The following TRRAP variants were observed in gnomAD, a reference collection of about 807,000 sequenced individuals.
The protein encoded by TRRAP is transformation/transcription domain associated protein.
Under a neutral mutation model 438.8 loss-of-function variants are expected in TRRAP, and 41 were observed. The observed-to-expected ratio is 0.09, with a 90% confidence interval of 0.07 to 0.12. The LOEUF (loss-of-function observed/expected upper bound fraction) is 0.12, where lower values mean the gene tolerates loss of function less well. Among genes scored for constraint, TRRAP ranks in the 10% least tolerant of loss-of-function variants. The pLI is 1.00. For synonymous variants in TRRAP, 1,994 were observed against 1,962.9 expected, an observed-to-expected ratio of 1.02 and a Z score of -0.42; for missense variants, 3,122 against 5,055.1, an observed-to-expected ratio of 0.62 and a Z score of 11.60.
intron 53 of TRRAP, among the ~76,000 whole-genome samples, chr7:98,974,261 C>T (rs142292139): frequency 4.6e-5 from 7 of 152,270 alleles, no homozygotes; most frequent in Admixed American, 4.6e-4. Flanking sequence ...GATGGGGTTA[C>T]AAATCATTGT....
rs201556260 is a variant in TRRAP, at chr7:98,906,270, C to T, written c.1115+15C>T. ...GAGACTCTAAGGTATGAGATTAAACCAGTGATATCTGGTTGGTTAAATGCC... is the reference window on the plus strand; with the variant it reads ...GAGACTCTAAGGTATGAGATTAAACTAGTGATATCTGGTTGGTTAAATGCC... On this transcript the variant is annotated intron_variant, in intron 13 of 72. Coordinates refer to ENST00000456197, the MANE Select transcript of TRRAP (RefSeq NM_001375524.1). 6.1e-5 allele frequency: 98 copies of T among 1,609,876 alleles called. No homozygotes were observed. Among genetic ancestry groups the T allele is most frequent in the Non-Finnish European group, 7.7e-5 (91 of 1,177,008 alleles).
At chr7:98,889,667 C>T (rs1795877925) in intron 3 of TRRAP, among the ~76,000 whole-genome samples, 1 of 151,924 alleles carries the variant, frequency 6.6e-6, no homozygotes, top group South Asian at 2.1e-4. Context: ...TTTACTTCAG[C>T]CCTCTGAGTA....
chr7:98,907,301 C>T (rs768698401), intron 13 of TRRAP, among the ~76,000 whole-genome samples: 7 of 150,404 alleles, frequency 4.7e-5, no homozygotes, highest in African/African-American at 7.4e-5. Context: ...CCAGCCTGGG[C>T]AATAAGAGTG....
chr7:98,927,230 A>T lies in TRRAP; in HGVS notation c.3039A>T (p.Pro1013=). The change falls in exon 23 of 73, where the codon CCA becomes CCT. Residue 1013 remains proline, a synonymous_variant. Transcript: ENST00000456197. The part of the protein sequence containing the change: ...ISHRYKAQDT[P]ARKTFEQALT... ...ATCGCTACAAAGCCCAGGACACTCC[A>T]GCCCGGAAGACTTTTGAGCAGGCCC... The T allele has an allele frequency of 6.2e-7, 1 of 1,614,226 alleles. No homozygotes were observed. Among genetic ancestry groups the T allele is most frequent in the Non-Finnish European group, 8.5e-7 (1 of 1,180,046 alleles).
At chr7:98,895,356 G>A (rs1412945348) in intron 6 of TRRAP, among the ~76,000 whole-genome samples, 1 of 152,174 alleles carries the variant, frequency 6.6e-6, no homozygotes, top group Non-Finnish European at 1.5e-5. Flanking sequence ...CTTTGTAGGA[G>A]AATTACCGAG....
At chr7:98,937,365 C>A (rs1230538779) in intron 29 of TRRAP, 88 bp downstream of exon 29, 2 of 1,497,570 alleles carry the variant, frequency 1.3e-6, no homozygotes, top group African/African-American at 1.4e-5. Context: ...CTGTTTATTG[C>A]TATATAAACA....
chr7:98,983,539 G>T (rs1219686006), intron 60 of TRRAP, 80 bp downstream of exon 60: 46 of 1,477,568 alleles, frequency 3.1e-5, no homozygotes, highest in Non-Finnish European at 4.2e-5. Flanking sequence ...TCTGTGTTTT[G>T]GTTTGGTTTG....
Position 98,948,316 on chromosome 7 carries a change from A to G in TRRAP, c.4644A>G (p.Lys1548=). The change falls in exon 34 of 73, where the codon AAA becomes AAG. Residue 1548 remains lysine (K), a synonymous_variant. Transcript: ENST00000456197. The surrounding 1 kb of genome is among the most constrained non-coding windows in gnomAD (Gnocchi z 4.9). ...LVKPLLEVVM[K]TERAMLIEAG... The stretch of plus-strand genomic sequence containing the variant: ...AGCCTTTGCTAGAGGTTGTCATGAA[A>G]ACGGAGCGGGCGATGCTGATCGAGG... 1.2e-6 allele frequency: 2 copies of G among 1,614,148 alleles called. No individual in the cohort carries two copies. Among genetic ancestry groups the G allele is most frequent in the Non-Finnish European group, 1.7e-6 (2 of 1,180,026 alleles).
intron 67 of TRRAP, among the ~76,000 whole-genome samples, chr7:98,996,090 T>A (rs1401208841): frequency 6.9e-6 from 1 of 145,432 alleles, no homozygotes; most frequent in Non-Finnish European, 1.5e-5. Context: ...CTCATCCTCA[T>A]GTCCCATCTA....
At chr7:98,882,591 G>A (rs1418564290) in intron 3 of TRRAP, among the ~76,000 whole-genome samples, 1 of 143,198 alleles carries the variant, frequency 7.0e-6, no homozygotes, top group Non-Finnish European at 1.5e-5. Context: ...TTGAACTCCT[G>A]ACCTCAGGTG....
Position 98,948,707 on chromosome 7 carries a change from A to G in TRRAP, c.4788+22A>G. 1 of 1,614,102 alleles carries G rather than the reference A, an allele frequency of 6.2e-7. No homozygotes were observed. Among genetic ancestry groups the G allele is most frequent in the Non-Finnish European group, 8.5e-7 (1 of 1,180,038 alleles). ...TATGGTAAGAGCTGTGAGCAGCTGG[A>G]GTCAGGGGTCCCTTCAAATGCTTGT... On this transcript the variant is annotated intron_variant, in intron 35 of 72. Coordinates refer to ENST00000456197, the MANE Select transcript of TRRAP (RefSeq NM_001375524.1). The surrounding 1 kb of genome is among the most constrained non-coding windows in gnomAD (Gnocchi z 4.9).
At chr7:98,917,740 G>T in intron 20 of TRRAP, 61 bp downstream of exon 20, 18 of 1,577,532 alleles carry the variant, frequency 1.1e-5, no homozygotes, top group Non-Finnish European at 1.6e-5. Flanking sequence ...CCGTCATTGG[G>T]TTCTCTGTAC....
At chr7:98,890,132 G>A (rs1305099193) in intron 3 of TRRAP, among the ~76,000 whole-genome samples, 1 of 152,164 alleles carries the variant, frequency 6.6e-6, no homozygotes, top group East Asian at 1.9e-4. Flanking sequence ...AATAGGAAAA[G>A]TTAGCATTTA....
rs372160180 is a variant in TRRAP at position 98,911,154 on chromosome 7, G to A, written c.1890G>A (p.Glu630=). 1.2e-6 allele frequency: 2 copies of A among 1,613,960 alleles called. No individual in the cohort carries two copies. Among genetic ancestry groups the A allele is most frequent in the African/African-American group, 2.7e-5 (2 of 74,894 alleles). The change falls in exon 17 of 73, where the codon GAG becomes GAA. Residue 630 remains glutamate (E), a synonymous_variant. Coordinates refer to ENST00000456197, the MANE Select transcript of TRRAP (RefSeq NM_001375524.1). The part of the protein sequence containing the change: ...CQTVRMKEEK[E]VLEHFAGVFT... ...CTGTGAGAATGAAAGAGGAGAAGGA[G>A]GTATTGGAGCATTTCGCTGGTGTGT... is the stretch of plus-strand genomic sequence containing the variant.
chr7:99,011,481 G>A lies in TRRAP; in HGVS notation c.11283G>A (p.Pro3761=), dbSNP rs140449855. The change falls in exon 72 of 73, where the codon CCG becomes CCA. Residue 3761 remains proline, a synonymous_variant. Coordinates refer to ENST00000456197, the MANE Select transcript of TRRAP (RefSeq NM_001375524.1). The surrounding 1 kb of genome is among the most constrained non-coding windows in gnomAD (Gnocchi z 7.1). ...TGACCACCATCGGGGTCTCCGGCCC[G>A]TTGACAGCGTCCATGATTGCGGTCG... ...EFLTTIGVSG[P]LTASMIAVAR... The A allele has an allele frequency of 8.1e-5, 130 of 1,614,130 alleles. No homozygotes were observed. Among genetic ancestry groups the A allele is most frequent in the Non-Finnish European group, 9.7e-5 (115 of 1,180,052 alleles).
intron 67 of TRRAP, among the ~76,000 whole-genome samples, chr7:99,000,928 C>G (rs1793892254): frequency 6.6e-6 from 1 of 152,220 alleles, no homozygotes; most frequent in Non-Finnish European, 1.5e-5. Context: ...CTGCAGTGCC[C>G]AACTTAGCGC....
chr7:98,878,991 T>C (rs1359725419), intron 1 of TRRAP, among the ~76,000 whole-genome samples: 1 of 151,898 alleles, frequency 6.6e-6, no homozygotes. Context: ...GTTGGGGGCC[T>C]GTCCCTCCGG....
In TRRAP at chr7:98,886,343, T is replaced by C. The variant is rs569095645; in HGVS notation, c.151-3992T>C. ...ATAGATAGAGATAGATATAGATAGA[T>C]ATAGATATCTATATAGATAGAGATA... On this transcript the variant is annotated intron_variant, in intron 3 of 72. Transcript: ENST00000456197. 5.2e-4 allele frequency among the ~76,000 whole-genome samples: 79 copies of C among 152,032 alleles called. 1 individual carries two copies. Among genetic ancestry groups the C allele is most frequent in the African/African-American group, 1.8e-3 (75 of 41,376 alleles).
chr7:98,948,393 A>T lies in TRRAP; in HGVS notation c.4668+53A>T. The T allele has an allele frequency of 6.2e-7, 1 of 1,613,020 alleles. No individual in the cohort carries two copies. The highest frequency in any genetic ancestry group is 1.1e-5 in the South Asian group (1 of 91,050). On this transcript the variant is annotated intron_variant, in intron 34 of 72. Coordinates refer to ENST00000456197, the MANE Select transcript of TRRAP (RefSeq NM_001375524.1). This position sits in a 1 kb window ranked among gnomAD's most constrained non-coding sequence, Gnocchi z 4.9. ...CGCTCTGCCACCCTCCGGTGCTTAT[A>T]GCGTCCTCACTTGATCGTATTTTCA...
Sources: allele counts gnomAD v4.1 joint callset (sites outside exome capture counted in the v4.1 genomes callset), GRCh38; gene constraint gnomAD v4.1.1; non-coding constraint Gnocchi (gnomAD v3.1); transcripts MANE v1.5; gene names NCBI Gene and HGNC (gene_info 2026-07-23, HGNC 2026-07-21).